ANKRD11: variants seen among roughly 807,000 people sequenced by gnomAD.
ANKRD11 encodes ankyrin repeat domain-containing protein 11.
A neutral mutation model predicts 195.7 loss-of-function variants in ANKRD11; 17 were observed. The observed-to-expected ratio is 0.09, with a 90% CI of 0.06 to 0.13. ANKRD11 has a LOEUF of 0.13. ANKRD11 is among the 10% of genes least tolerant of loss of function. ANKRD11 has a pLI of 1.00. For synonymous variants in ANKRD11, 1,953 were observed against 1,528.1 expected (o/e 1.28, Z -6.49); for missense variants, 3,735 against 3,566.1 (o/e 1.05, Z -1.21).
chr16:89,293,477 C>T (rs969470644), intron 4 of ANKRD11, among the ~76,000 whole-genome samples: 5 of 140,176 alleles, frequency 3.6e-5, no homozygotes, highest in Non-Finnish European at 7.6e-5. Context: ...GTTGTGGCTG[C>T]GGAGGGAGGA....
chr16:89,456,613 A>G (rs1000575591), intron 1 of ANKRD11, among the ~76,000 whole-genome samples: 2 of 152,116 alleles, frequency 1.3e-5, no homozygotes, highest in Non-Finnish European at 2.9e-5. Context: ...CCCTGCCTAC[A>G]CCCAGACAAT....
intron 2 of ANKRD11, among the ~76,000 whole-genome samples, chr16:89,405,098 A>G (rs1417166850): frequency 1.3e-5 from 2 of 152,010 alleles, no homozygotes. Context: ...AACTGCCCAC[A>G]CCAGTTAACC....
intron 9 of ANKRD11, chr16:89,278,536 G>C (rs763380035): frequency 2.4e-5 from 11 of 456,644 alleles, no homozygotes; most frequent in Admixed American, 1.2e-4. Context: ...ACAGGGTCAG[G>C]TGGAACAAGG....
At chr16:89,436,029 C>G (rs2043202722) in intron 1 of ANKRD11, among the ~76,000 whole-genome samples, 1 of 152,144 alleles carries the variant, frequency 6.6e-6, no homozygotes, top group Non-Finnish European at 1.5e-5. Context: ...TTTGCAGGGT[C>G]ACACATTCTT....
intron 2 of ANKRD11, among the ~76,000 whole-genome samples, chr16:89,345,260 C>T (rs2038885221): frequency 6.9e-6 from 1 of 145,630 alleles, no homozygotes; most frequent in African/African-American, 2.6e-5. Flanking sequence ...CCCTCCCCAC[C>T]CCCCGGCAAA....
rs542348463 is a variant in ANKRD11, at chr16:89,269,093, G to C, written c.7807-430C>G. 2.6e-5 allele frequency among the ~76,000 whole-genome samples: 4 copies of C among 152,368 alleles called. No homozygotes were observed. In the South Asian group the frequency reaches 6.2e-4, roughly 24 times the overall value. On this transcript the variant is annotated intron_variant, in intron 12 of 12. Coordinates refer to ENST00000301030, the MANE Select transcript of ANKRD11 (RefSeq NM_013275.6). ...AAAGTGCACATAAGGGGACTGGACTGGGGTAGCACATATTTTGGAAACTAA... is the reference window on the plus strand; with the variant it reads ...AAAGTGCACATAAGGGGACTGGACTCGGGTAGCACATATTTTGGAAACTAA...
intron 2 of ANKRD11, among the ~76,000 whole-genome samples, chr16:89,363,653 C>G (rs1213472109): frequency 6.6e-6 from 1 of 152,166 alleles, no homozygotes; most frequent in South Asian, 2.1e-4. Context: ...CACTTTATGT[C>G]CACCAAGCAC....
At chr16:89,321,647 A>G (rs2037334662) in intron 2 of ANKRD11, among the ~76,000 whole-genome samples, 1 of 152,096 alleles carries the variant, frequency 6.6e-6, no homozygotes, top group Admixed American at 6.5e-5. Context: ...CTAACACCTG[A>G]GAAGGACCGT....
At chr16:89,326,084 T>G (rs1242932291) in intron 2 of ANKRD11, among the ~76,000 whole-genome samples, 2 of 152,192 alleles carry the variant, frequency 1.3e-5, no homozygotes, top group Non-Finnish European at 2.9e-5. Context: ...ATGCTTCTTT[T>G]ACACAGAAGG....
In ANKRD11 at chr16:89,381,168, A is replaced by T. The variant is rs561741580; in HGVS notation, c.-60+37116T>A. Among the ~76,000 whole-genome samples, 5 of 152,140 alleles carry T rather than the reference A, an allele frequency of 3.3e-5. No homozygotes were observed. In the South Asian group the frequency reaches 8.3e-4, roughly 25 times the overall value. Reference sequence around the variant, plus strand: ...CGAAACCCTATTTCTACTGAAAATTAAAAAATAAAAATAATAAGCTGGGCA... The same window carrying T: ...CGAAACCCTATTTCTACTGAAAATTTAAAAATAAAAATAATAAGCTGGGCA... On this transcript the variant is annotated intron_variant, in intron 2 of 12. Transcript: ENST00000301030.
In ANKRD11 at chr16:89,282,226, T is replaced by C. The variant is rs1452341041; in HGVS notation, c.4316A>G (p.Lys1439Arg). ...AGGCTTTAGTTCCTTTTCTATTTTC[T>C]TGGAAGGTTCTCTCTCGGAATCATT... ...DKNDSEREPS[K>R]KIEKELKPYG... Residue 1439 changes from lysine to arginine, a missense_variant, in exon 9 of 13, where the codon AAG (lysine) becomes AGG (arginine). Transcript: ENST00000301030. The C allele has an allele frequency of 1.2e-6, 2 of 1,614,162 alleles. No individual in the cohort carries two copies. Among genetic ancestry groups the C allele is most frequent in the Non-Finnish European group, 1.7e-6 (2 of 1,180,002 alleles).
At position 89,317,776 on chromosome 16, in the gene ANKRD11, T is replaced by C. The variant is rs138340503; in HGVS notation, c.-59-698A>G. Among the ~76,000 whole-genome samples, 720 of 152,312 alleles carry C rather than the reference T, an allele frequency of 4.7e-3. 7 individuals carry two copies. Among genetic ancestry groups the C allele is most frequent in the African/African-American group, 0.016 (667 of 41,570 alleles). On this transcript the variant is annotated intron_variant, in intron 2 of 12. Transcript: ENST00000301030. The stretch of plus-strand genomic sequence containing the variant: ...GTATATTATTTTTATTTATTAATCA[T>C]GTTTTATTTTAGGAAATTTTGCCAT...
intron 1 of ANKRD11, among the ~76,000 whole-genome samples, chr16:89,474,010 G>T (rs1184050006): frequency 1.3e-5 from 2 of 152,230 alleles, no homozygotes; most frequent in African/African-American, 4.8e-5. Context: ...CAAGCTGCAA[G>T]GGGCCATGCG....
At chr16:89,269,618 C>T (rs1328990330) in intron 12 of ANKRD11, among the ~76,000 whole-genome samples, 1 of 151,318 alleles carries the variant, frequency 6.6e-6, no homozygotes, top group Admixed American at 6.6e-5. Context: ...TATACATATC[C>T]CTAAGGTTTT....
rs545453913 is a variant in ANKRD11, at chr16:89,475,419, T to C, written c.-145+14826A>G. Among the ~76,000 whole-genome samples the C allele has an allele frequency of 3.9e-5, 6 of 152,268 alleles. No homozygotes were observed. In the South Asian group the frequency reaches 1.2e-3, roughly 32 times the overall value. ...CCGTAACCCACCACGCTGCACTGTT[T>C]CTATAGCAACCAGAAAGAAAATATA... On this transcript the variant is annotated intron_variant, in intron 1 of 12. Coordinates refer to ENST00000301030, the MANE Select transcript of ANKRD11 (RefSeq NM_013275.6).
intron 12 of ANKRD11, among the ~76,000 whole-genome samples, chr16:89,269,785 G>A (rs193029435): frequency 6.6e-6 from 1 of 152,102 alleles, no homozygotes; most frequent in Non-Finnish European, 1.5e-5. Context: ...TACTAGAGAC[G>A]AGGTTTCACC....
rs752167515 is a variant in ANKRD11 at position 89,283,665 on chromosome 16, C to T, written c.2877G>A (p.Lys959=). ...RDRKDALESC[K]ERRDGRAKPE... is the part of the protein sequence containing the mutation. ...GCTTGGCCCTGCCGTCCCTGCGCTC[C>T]TTGCAGCTCTCCAGGGCGTCCTTTC... Residue 959 remains lysine (K), a synonymous_variant, in exon 9 of 13, where the codon AAG becomes AAA. Transcript: ENST00000301030. This position sits in a 1 kb window ranked among gnomAD's most constrained non-coding sequence, Gnocchi z 4.3. 1 of 1,612,212 alleles carries T rather than the reference C, an allele frequency of 6.2e-7. No individual in the cohort carries two copies. Among genetic ancestry groups the T allele is most frequent in the South Asian group, 1.1e-5 (1 of 91,084 alleles).
intron 2 of ANKRD11, among the ~76,000 whole-genome samples, chr16:89,369,207 T>A (rs576644358): frequency 6.6e-6 from 1 of 152,114 alleles, no homozygotes; most frequent in African/African-American, 2.4e-5. Context: ...GAAACAATAA[T>A]CTTCAAAGGG....
intron 1 of ANKRD11, among the ~76,000 whole-genome samples, chr16:89,469,854 C>A (rs1444847813): frequency 6.7e-6 from 1 of 148,768 alleles, no homozygotes; most frequent in Non-Finnish European, 1.5e-5. Context: ...GCCAAGATCG[C>A]GCCCGGAGAC....
Sources: allele counts gnomAD v4.1 joint callset (sites outside exome capture counted in the v4.1 genomes callset), GRCh38; gene constraint gnomAD v4.1.1; non-coding constraint Gnocchi (gnomAD v3.1); transcripts MANE v1.5; gene names NCBI Gene and HGNC (gene_info 2026-07-23, HGNC 2026-07-21).